The following DNAI3 variants were observed in gnomAD, a reference collection of about 807,000 sequenced individuals.
The protein encoded by DNAI3 is dynein axonemal intermediate chain 3.
Under a neutral mutation model 115.5 loss-of-function variants are expected in DNAI3, and 83 were observed. The observed-to-expected ratio is 0.72, with a 90% CI of 0.60 to 0.86. The LOEUF is 0.86. Ranked by LOEUF, DNAI3 falls within the 40% of genes least tolerant of loss-of-function variation. The pLI is 0.00. For synonymous variants in DNAI3, 320 were observed against 347.0 expected, an observed-to-expected ratio of 0.92 and a Z score of 0.86; for missense variants, 1,004 against 1,075.8, an observed-to-expected ratio of 0.93 and a Z score of 0.93.
At chr1:85,115,039 T>C (rs1655777213) in intron 16 of DNAI3, among the ~76,000 whole-genome samples, 1 of 152,218 alleles carries the variant, frequency 6.6e-6, no homozygotes, top group Admixed American at 6.5e-5. Context: ...TTCTAAGCAA[T>C]GTGGCATAGC....
At chr1:85,068,469 C>A (rs895221237) in intron 1 of DNAI3, among the ~76,000 whole-genome samples, 3 of 152,192 alleles carry the variant, frequency 2.0e-5, no homozygotes, top group African/African-American at 7.2e-5. Context: ...CCTGCCTGAT[C>A]TAAGCACCCT....
intron 18 of DNAI3, 54 bp from the exon 19 acceptor site, chr1:85,124,067 C>T: frequency 1.2e-6 from 2 of 1,607,096 alleles, no homozygotes; most frequent in Non-Finnish European, 1.7e-6. Context: ...TTCCTCACTG[C>T]AGGAATGCAA....
chr1:85,129,230 C>CT (rs1656241477), intron 21 of DNAI3, among the ~76,000 whole-genome samples: 2 of 147,840 alleles, frequency 1.4e-5, no homozygotes, highest in African/African-American at 4.9e-5. Flanking sequence ...CGGTATTCTG[C>CT]ACCCCCCACA....
At chr1:85,106,615 C>G (rs971743176) in intron 14 of DNAI3, among the ~76,000 whole-genome samples, 3 of 152,146 alleles carry the variant, frequency 2.0e-5, no homozygotes, top group African/African-American at 4.8e-5. Flanking sequence ...ACTCACACTT[C>G]CAAATTTCTA....
intron 3 of DNAI3, among the ~76,000 whole-genome samples, chr1:85,074,424 A>G (rs1159426617): frequency 6.6e-6 from 1 of 152,172 alleles, no homozygotes; most frequent in African/African-American, 2.4e-5. Context: ...GCCAACCTAC[A>G]GCCCATCAGC....
At chr1:85,075,340 G>A (rs1483492969) in intron 3 of DNAI3, among the ~76,000 whole-genome samples, 1 of 152,212 alleles carries the variant, frequency 6.6e-6, no homozygotes, top group East Asian at 1.9e-4. Context: ...GAAAATCTAT[G>A]AACCTGATAA....
chr1:85,121,532 A>G (rs1309114208), intron 17 of DNAI3, among the ~76,000 whole-genome samples: 2 of 152,246 alleles, frequency 1.3e-5, no homozygotes, highest in Admixed American at 6.5e-5. Flanking sequence ...CCACATCATT[A>G]TATGTGGATA....
In DNAI3 at chr1:85,068,377, A is replaced by G. The variant is rs527568192; in HGVS notation, c.-14-3551A>G. Reference sequence around the variant, plus strand: ...TGATGTTATCCTTCTCATAAGCGATATGTTCAAGTCACCAGTGAATCTTAT... The same window carrying G: ...TGATGTTATCCTTCTCATAAGCGATGTGTTCAAGTCACCAGTGAATCTTAT... On this transcript the variant is annotated intron_variant, in intron 1 of 22. Transcript: ENST00000294664. Among the ~76,000 whole-genome samples, 10 of 152,322 alleles carry G rather than the reference A, an allele frequency of 6.6e-5. No homozygotes were observed. In the East Asian group the frequency reaches 1.5e-3, roughly 24 times the overall value.
chr1:85,098,775 A>G lies in DNAI3; in HGVS notation c.1479+117A>G, dbSNP rs1655201162. ...ACACTTAAATTGTGAAATAACCAGG[A>G]ACTAAGCATCAAAAAATGGGGTTAC... is the stretch of plus-strand genomic sequence containing the variant. On this transcript the variant is annotated intron_variant, in intron 13 of 22. Coordinates refer to ENST00000294664, the MANE Select transcript of DNAI3 (RefSeq NM_145172.5). 6.2e-6 allele frequency: 9 copies of G among 1,452,740 alleles called. No homozygotes were observed. In the Admixed American group the frequency reaches 1.9e-4, roughly 30 times the overall value. The allele number at this position is 1,452,740 out of a possible 1,614,324, so 90.0% of individuals were successfully genotyped here. A position where few individuals can be genotyped will look rare whatever the true frequency, so the allele number is the denominator to read the frequency against.
chr1:85,080,024 A>G (rs1975365), intron 3 of DNAI3, among the ~76,000 whole-genome samples: 88,092 of 148,036 alleles, frequency 0.6, 26,293 homozygotes, highest in Non-Finnish European at 0.6. Flanking sequence ...CTCAAGGGAA[A>G]GTTTCTTTTC....
intron 10 of DNAI3, among the ~76,000 whole-genome samples, chr1:85,094,799 A>G (rs1655078760): frequency 6.6e-6 from 1 of 152,228 alleles, no homozygotes; most frequent in Non-Finnish European, 1.5e-5. Flanking sequence ...TGTTTAAACT[A>G]TTTTTAAAAC....
chr1:85,112,056 CTT>C (rs66928964), intron 16 of DNAI3, among the ~76,000 whole-genome samples: 12 of 148,616 alleles, frequency 8.1e-5, no homozygotes, highest in South Asian at 6.4e-4. Context: ...AGTATATACT[CTT>C]TTTTTTTTTA....
intron 7 of DNAI3, among the ~76,000 whole-genome samples, chr1:85,086,294 T>C (rs1430448858): frequency 6.6e-6 from 1 of 152,174 alleles, no homozygotes; most frequent in Non-Finnish European, 1.5e-5. Context: ...ATCATGACAG[T>C]GCTGGTCATC....
intron 13 of DNAI3, among the ~76,000 whole-genome samples, chr1:85,099,756 A>G (rs1456598530): frequency 2.0e-5 from 3 of 152,252 alleles, no homozygotes; most frequent in African/African-American, 7.2e-5. Flanking sequence ...ACAGCATGGT[A>G]CTGGTGCCAA....
At chr1:85,130,233 C>A (rs1418898152) in intron 22 of DNAI3, 121 bp downstream of exon 22, 2 of 1,406,564 alleles carry the variant, frequency 1.4e-6, no homozygotes, top group African/African-American at 1.4e-5. Flanking sequence ...CTCTTGTTCT[C>A]ATGAGAGTCA....
chr1:85,131,011 T>C (rs969670500), intron 22 of DNAI3, among the ~76,000 whole-genome samples: 7 of 152,198 alleles, frequency 4.6e-5, no homozygotes, highest in Non-Finnish European at 1.0e-4. Context: ...TCAGTCTCAA[T>C]TTCTGTTTCC....
At position 85,107,986 on chromosome 1, in the gene DNAI3, C is replaced by T. The variant is rs556678316; in HGVS notation, c.1554-47C>T. On this transcript the variant is annotated intron_variant, in intron 14 of 22. Transcript: ENST00000294664. ...AGCATTAATGGTAGTCCTGAGGCTG[C>T]ACCTCTTGTTTGTACTTAATAAAAA... 182 of 1,364,848 alleles carry T rather than the reference C, an allele frequency of 1.3e-4. No individual in the cohort carries two copies. The South Asian group carries it at 2.8e-3, about 21-fold the overall frequency. 84.5% of individuals were successfully genotyped at this position (1,364,848 alleles called of 1,614,324 possible).
intron 6 of DNAI3, among the ~76,000 whole-genome samples, chr1:85,085,372 G>C (rs184719555): frequency 6.6e-6 from 1 of 152,312 alleles, no homozygotes; most frequent in East Asian, 1.9e-4. Context: ...TGTATGAGTG[G>C]TTTATTAGGA....
intron 2 of DNAI3, among the ~76,000 whole-genome samples, chr1:85,072,381 C>T (rs1271843899): frequency 2.0e-5 from 3 of 152,216 alleles, no homozygotes; most frequent in Non-Finnish European, 2.9e-5. Context: ...CGGTGGTTCA[C>T]GCCTGTAATC....
Sources: allele counts gnomAD v4.1 joint callset (sites outside exome capture counted in the v4.1 genomes callset), GRCh38; gene constraint gnomAD v4.1.1; transcripts MANE v1.5; gene names NCBI Gene and HGNC (gene_info 2026-07-23, HGNC 2026-07-21).